The following LMO4 variants were observed in gnomAD, a reference collection of about 807,000 sequenced individuals.
LMO4 encodes LIM domain only 4.
In LMO4, 3 loss-of-function variants were observed where a neutral mutation model predicts 18.5. That is an observed-to-expected ratio of 0.16 (90% CI 0.07 to 0.42). The LOEUF (loss-of-function observed/expected upper bound fraction) is 0.42, where lower values mean the gene tolerates loss of function less well. Among genes scored for constraint, LMO4 ranks in the 10% least tolerant of loss-of-function variants. LMO4 has a pLI of 0.99. For synonymous variants in LMO4, 100 were observed against 88.1 expected (o/e 1.14, Z -0.76); for missense variants, 121 against 219.9 (o/e 0.55, Z 2.84).
intron 2 of LMO4, among the ~76,000 whole-genome samples, chr1:87,335,511 C>T (rs867287228): frequency 1.3e-5 from 2 of 152,100 alleles, no homozygotes; most frequent in Middle Eastern, 6.8e-3. Context: ...TTTCTTTCCC[C>T]GGGCTCCACT....
intron 2 of LMO4, 126 bp from the exon 3 acceptor site, chr1:87,339,410 C>G: frequency 1.6e-6 from 1 of 639,366 alleles, no homozygotes; most frequent in Non-Finnish European, 2.7e-6. Context: ...AAATCTGAGG[C>G]TTGAGCCTAA....
intron 2 of LMO4, among the ~76,000 whole-genome samples, chr1:87,334,525 G>A (rs1041381217): frequency 6.6e-6 from 1 of 152,210 alleles, no homozygotes; most frequent in Non-Finnish European, 1.5e-5. Context: ...AGGGACCGCT[G>A]CAGAAGAGTG....
At position 87,347,577 on chromosome 1, in the gene LMO4, A is replaced by G. The variant is rs1650671920; in HGVS notation, c.*2781A>G. 1 of 152,242 alleles carries G rather than the reference A, an allele frequency of 6.6e-6. No homozygotes were observed. Among genetic ancestry groups the G allele is most frequent in the African/African-American group, 2.4e-5 (1 of 41,464 alleles). 9.4% of individuals were successfully genotyped at this position (152,242 alleles called of 1,614,324 possible). A position where few individuals can be genotyped will look rare whatever the true frequency, so the allele number is the denominator to read the frequency against. The stretch of plus-strand genomic sequence containing the variant: ...ACTTATTTAATATTAACCACGTCAT[A>G]GAGCAAGATGGCCCCCAGTCCCTAC... On this transcript the variant is annotated 3_prime_UTR_variant, in exon 5 of 5. Coordinates refer to ENST00000370544, the MANE Select transcript of LMO4 (RefSeq NM_006769.4).
chr1:87,340,346 G>A (rs1570654285), intron 4 of LMO4, 144 bp downstream of exon 4: 1 of 661,490 alleles, frequency 1.5e-6, no homozygotes, highest in Non-Finnish European at 2.5e-6. Flanking sequence ...TACATAGAGT[G>A]TTCAGAAGTA....
At position 87,332,125 on chromosome 1, in the gene LMO4, A is replaced by T; in HGVS notation, c.110A>T (p.Tyr37Phe). ...GGKIADRFLL[Y>F]AMDSYWHSRC... ...AAGATTGCGGACCGCTTTCTGCTCT[A>T]TGCCATGGACAGCTATTGGCACAGC... The change falls in exon 2 of 5, where the codon TAT becomes TTT. Residue 37 changes from tyrosine to phenylalanine, a missense_variant. By Grantham distance (22) the Tyr-to-Phe change is conservative. Transcript: ENST00000370544. The T allele has an allele frequency of 6.2e-7, 1 of 1,614,158 alleles. No individual in the cohort carries two copies. The highest frequency in any genetic ancestry group is 1.6e-4 in the Middle Eastern group (1 of 6,062).
chr1:87,334,787 C>G (rs914298143), intron 2 of LMO4, among the ~76,000 whole-genome samples: 1 of 152,170 alleles, frequency 6.6e-6, no homozygotes, highest in Non-Finnish European at 1.5e-5. Context: ...ATGGGCAGAG[C>G]TGGGCTTCTG....
intron 4 of LMO4, among the ~76,000 whole-genome samples, chr1:87,343,058 G>A (rs1402616561): frequency 2.6e-5 from 4 of 152,222 alleles, no homozygotes; most frequent in South Asian, 2.1e-4. Context: ...TGTATTATGC[G>A]TGGTAAATAT....
At chr1:87,336,341 C>T (rs1298100748) in intron 2 of LMO4, among the ~76,000 whole-genome samples, 1 of 152,192 alleles carries the variant, frequency 6.6e-6, no homozygotes, top group African/African-American at 2.4e-5. Flanking sequence ...AGAAACGTAC[C>T]TCTCCTTGCC....
At position 87,331,918 on chromosome 1, in the gene LMO4, G is replaced by C. The variant is rs1650165696; in HGVS notation, c.-3-95G>C. 15 of 991,954 alleles carry C rather than the reference G, an allele frequency of 1.5e-5. No homozygotes were observed. The South Asian group carries it at 2.2e-4, about 15-fold the overall frequency. The allele number at this position is 991,954 out of a possible 1,614,324, so 61.4% of individuals were successfully genotyped here. ...TTCCTTCCAGCAGCTCCGCGGGGAG[G>C]AGGGGAATGGGCTTGCTCTCTCTCC... On this transcript the variant is annotated intron_variant, in intron 1 of 4. Coordinates refer to ENST00000370544, the MANE Select transcript of LMO4 (RefSeq NM_006769.4).
chr1:87,348,629 A>G lies in LMO4; in HGVS notation c.*3833A>G. The stretch of plus-strand genomic sequence containing the variant: ...GAGGCATTTGTAGCCCTCTGCTCCC[A>G]TCGTGAACATGCTGAGAGCAATGAC... On this transcript the variant is annotated 3_prime_UTR_variant, in exon 5 of 5. Transcript: ENST00000370544. 1 of 460,406 alleles carries G rather than the reference A, an allele frequency of 2.2e-6. No individual in the cohort carries two copies. Among genetic ancestry groups the G allele is most frequent in the Non-Finnish European group, 4.4e-6 (1 of 228,704 alleles). 28.5% of individuals were successfully genotyped at this position (460,406 alleles called of 1,614,324 possible).
At chr1:87,331,986 T>C in intron 1 of LMO4, 27 bp from the exon 2 acceptor site, 1 of 1,583,812 alleles carries the variant, frequency 6.3e-7, no homozygotes, top group Non-Finnish European at 8.6e-7. Context: ...TGTCTTTCTC[T>C]CCCTGTCCCC....
At chr1:87,331,984 T>C in intron 1 of LMO4, 29 bp from the exon 2 acceptor site, 2 of 1,575,692 alleles carry the variant, frequency 1.3e-6, no homozygotes, top group Non-Finnish European at 1.7e-6. Context: ...TTTGTCTTTC[T>C]CTCCCTGTCC....
At chr1:87,341,590 T>G (rs1010234739) in intron 4 of LMO4, among the ~76,000 whole-genome samples, 1 of 152,180 alleles carries the variant, frequency 6.6e-6, no homozygotes, top group African/African-American at 2.4e-5. Context: ...TTGAAAACTT[T>G]TAACCATTAA....
chr1:87,333,115 G>C (rs1005296964), intron 2 of LMO4, among the ~76,000 whole-genome samples: 1 of 152,188 alleles, frequency 6.6e-6, no homozygotes, highest in Non-Finnish European at 1.5e-5. Flanking sequence ...ACAAGTTGCA[G>C]TGCAATTAAT....
rs1454166564 is a variant in LMO4, at chr1:87,346,626, C to T, written c.*1830C>T. On this transcript the variant is annotated 3_prime_UTR_variant, in exon 5 of 5. Transcript: ENST00000370544. Reference sequence around the variant, plus strand: ...GCTTCCCTTTGAGAACTTCTGTGCTCACTTCCTGTTTTCAGAGATTCCAGG... The same window carrying T: ...GCTTCCCTTTGAGAACTTCTGTGCTTACTTCCTGTTTTCAGAGATTCCAGG... 6.6e-6 allele frequency: 1 copy of T among 152,072 alleles called. No homozygotes were observed. Among genetic ancestry groups the T allele is most frequent in the Non-Finnish European group, 1.5e-5 (1 of 68,060 alleles). The allele number at this position is 152,072 out of a possible 1,614,324, so 9.4% of individuals were successfully genotyped here.
At chr1:87,340,862 T>C (rs1242766093) in intron 4 of LMO4, among the ~76,000 whole-genome samples, 1 of 152,202 alleles carries the variant, frequency 6.6e-6, no homozygotes, top group Non-Finnish European at 1.5e-5. Flanking sequence ...GATCCACAAC[T>C]TGAAAATCCT....
Position 87,331,921 on chromosome 1 carries a change from G to A in LMO4, c.-3-92G>A, listed in dbSNP as rs1650165780. ...CTTCCAGCAGCTCCGCGGGGAGGAGGGGAATGGGCTTGCTCTCTCTCCGGC... is the reference window on the plus strand; with the variant it reads ...CTTCCAGCAGCTCCGCGGGGAGGAGAGGAATGGGCTTGCTCTCTCTCCGGC... On this transcript the variant is annotated intron_variant, in intron 1 of 4. Coordinates refer to ENST00000370544, the MANE Select transcript of LMO4 (RefSeq NM_006769.4). The A allele has an allele frequency of 6.8e-6, 7 of 1,022,302 alleles. No homozygotes were observed. The South Asian group carries it at 8.8e-5, about 13-fold the overall frequency. The allele number at this position is 1,022,302 out of a possible 1,614,324, so 63.3% of individuals were successfully genotyped here. A position where few individuals can be genotyped will look rare whatever the true frequency, so the allele number is the denominator to read the frequency against.
chr1:87,329,599 G>A (rs1344568527), intron 1 of LMO4, among the ~76,000 whole-genome samples: 1 of 151,838 alleles, frequency 6.6e-6, no homozygotes, highest in Non-Finnish European at 1.5e-5. Flanking sequence ...TGTGTTTGGG[G>A]GGGTGGGGGT....
At chr1:87,335,618 G>T (rs1650286036) in intron 2 of LMO4, among the ~76,000 whole-genome samples, 1 of 152,146 alleles carries the variant, frequency 6.6e-6, no homozygotes, top group African/African-American at 2.4e-5. Context: ...GTTGGTGGTG[G>T]AGGGTGTGTT....
Sources: gnomAD v4.1 joint callset for allele counts (sites outside exome capture counted in the v4.1 genomes callset) on GRCh38, gnomAD v4.1.1 for gene constraint, MANE v1.5 for transcripts, NCBI Gene and HGNC (gene_info 2026-07-23, HGNC 2026-07-21) for gene names.